TP63: variants seen among roughly 807,000 people sequenced by gnomAD.
TP63 encodes the protein tumor protein p63, also known as tumor protein 63.
Under a neutral mutation model 82.8 loss-of-function variants are expected in TP63, and 17 were observed. That is an observed-to-expected ratio of 0.21 (90% CI 0.14 to 0.31). The LOEUF (loss-of-function observed/expected upper bound fraction) is 0.31, where lower values mean the gene tolerates loss of function less well. Among genes scored for constraint, TP63 ranks in the 10% least tolerant of loss-of-function variants. TP63 has a pLI of 1.00. For synonymous variants in TP63, 330 were observed against 321.7 expected, an observed-to-expected ratio of 1.03 and a Z score of -0.28; for missense variants, 648 against 895.3, an observed-to-expected ratio of 0.72 and a Z score of 3.52.
chr3:189,682,210 A>G (rs1715973054), intron 1 of TP63, among the ~76,000 whole-genome samples: 1 of 152,168 alleles, frequency 6.6e-6, no homozygotes, highest in Non-Finnish European at 1.5e-5. Flanking sequence ...GACCTCAAAT[A>G]AAAATTAATG....
chr3:189,734,398 C>T (rs1045182559), intron 1 of TP63, among the ~76,000 whole-genome samples: 1 of 152,066 alleles, frequency 6.6e-6, no homozygotes. Context: ...CTGCCCTCTC[C>T]AGTCTGAATC....
In TP63 at chr3:189,860,564, A is replaced by G. The variant is rs139529613; in HGVS notation, c.580-3668A>G. Among the ~76,000 whole-genome samples, 748 of 152,368 alleles carry G rather than the reference A, an allele frequency of 4.9e-3. 9 individuals carry two copies. Among genetic ancestry groups the G allele is most frequent in the African/African-American group, 0.018 (729 of 41,582 alleles). ...AAAAAGAAAAAAAAGCGATTGTGCCAGACCACTTCAGCGCCTCTAGTTGCT... is the reference window on the plus strand; with the variant it reads ...AAAAAGAAAAAAAAGCGATTGTGCCGGACCACTTCAGCGCCTCTAGTTGCT... On this transcript the variant is annotated intron_variant, in intron 4 of 13. Transcript: ENST00000264731.
At chr3:189,841,598 G>T (rs1159017714) in intron 4 of TP63, among the ~76,000 whole-genome samples, 1 of 152,184 alleles carries the variant, frequency 6.6e-6, no homozygotes, top group Non-Finnish European at 1.5e-5. Context: ...CCAGGAAAGA[G>T]AACCAATATG....
At chr3:189,886,640 T>C (rs1009396849) in intron 11 of TP63, 89 bp downstream of exon 11, 27 of 1,563,992 alleles carry the variant, frequency 1.7e-5, no homozygotes, top group Non-Finnish European at 2.3e-5. Flanking sequence ...GTTCTTAAGC[T>C]AAATGAGAGA....
chr3:189,680,431 C>G (rs1715808147), intron 1 of TP63, among the ~76,000 whole-genome samples: 1 of 152,132 alleles, frequency 6.6e-6, no homozygotes, highest in Admixed American at 6.6e-5. Flanking sequence ...CCACCAAACT[C>G]ATTTTAGGAG....
At position 189,731,343 on chromosome 3, in the gene TP63, CA is replaced by C. The variant is rs59444552; in HGVS notation, c.63-6388del. On this transcript the variant is annotated intron_variant, in intron 1 of 13. Coordinates refer to ENST00000264731, the MANE Select transcript of TP63 (RefSeq NM_003722.5). ...TGAGCAAGAGAGAAAGCCTTCATCT[CA>C]AAAAAAAAGAAAAAAAAAGAACACT... is the stretch of plus-strand genomic sequence containing the variant. 0.39 allele frequency among the ~76,000 whole-genome samples: 58,867 copies of C among 149,098 alleles called. 11,677 individuals carry two copies. Among genetic ancestry groups the C allele is most frequent in the African/African-American group, 0.48 (19,367 of 40,656 alleles).
intron 4 of TP63, among the ~76,000 whole-genome samples, chr3:189,824,518 C>T (rs1245625015): frequency 1.3e-5 from 2 of 152,134 alleles, no homozygotes; most frequent in African/African-American, 4.8e-5. Flanking sequence ...CAGGAGTGAG[C>T]CACCGTGCCT....
chr3:189,772,700 A>G (rs150398855), intron 3 of TP63, among the ~76,000 whole-genome samples: 17 of 152,276 alleles, frequency 1.1e-4, no homozygotes, highest in African/African-American at 3.9e-4. Context: ...TGCCAAGCCC[A>G]ACCCCTTGAT....
rs191916316 is a variant in TP63, at chr3:189,779,658, C to T, written c.325-28614C>T. 1.5e-3 allele frequency among the ~76,000 whole-genome samples: 228 copies of T among 152,304 alleles called. 1 individual carries two copies. Among genetic ancestry groups the T allele is most frequent in the Non-Finnish European group, 2.5e-3 (171 of 68,028 alleles). The stretch of plus-strand genomic sequence containing the variant: ...GAGTAACCTGTGTAGCACAGGGGAG[C>T]ATGAAGTTTGGAGCCAGCAAACCTG... On this transcript the variant is annotated intron_variant, in intron 3 of 13. Transcript: ENST00000264731.
rs890213456 is a variant in TP63 at position 189,777,008 on chromosome 3, A to G, written c.325-31264A>G. 3.3e-5 allele frequency among the ~76,000 whole-genome samples: 5 copies of G among 152,302 alleles called. 1 individual carries two copies. The highest frequency in any genetic ancestry group is 2.0e-4 in the Admixed American group (3 of 15,292). On this transcript the variant is annotated intron_variant, in intron 3 of 13. Transcript: ENST00000264731. ...AATAAGAGGCCTATACCTTTTCTTC[A>G]GGGAAGTTAAATCATAAACCTTTCT...
chr3:189,832,521 CTT>C (rs1712518201), intron 4 of TP63, among the ~76,000 whole-genome samples: 1 of 152,140 alleles, frequency 6.6e-6, no homozygotes, highest in Admixed American at 6.5e-5. Context: ...AGGCTCTTGA[CTT>C]ATTCCTTCAT....
intron 4 of TP63, among the ~76,000 whole-genome samples, chr3:189,858,176 C>G (rs1404183522): frequency 6.9e-5 from 1 of 14,588 alleles, no homozygotes; most frequent in Non-Finnish European, 1.6e-4. Context: ...GAGGCCGAGG[C>G]GGGCGGATCA....
intron 1 of TP63, among the ~76,000 whole-genome samples, chr3:189,686,715 G>C (rs375077539): frequency 7.5e-4 from 111 of 147,198 alleles, no homozygotes; most frequent in Middle Eastern, 7.1e-3. Flanking sequence ...CTCAGGGGGT[G>C]GGGGGCAGGG....
chr3:189,849,306 A>T (rs866449523), intron 4 of TP63, among the ~76,000 whole-genome samples: 1 of 152,174 alleles, frequency 6.6e-6, no homozygotes, highest in African/African-American at 2.4e-5. Context: ...GGAAAACCCA[A>T]TTTGAAGCTG....
chr3:189,882,593 C>A (rs1720045682), intron 10 of TP63, among the ~76,000 whole-genome samples: 1 of 151,916 alleles, frequency 6.6e-6, no homozygotes, highest in African/African-American at 2.4e-5. Flanking sequence ...TAAGCTATCA[C>A]CAAATCCTAC....
chr3:189,714,014 A>G (rs1393087266), intron 1 of TP63, among the ~76,000 whole-genome samples: 1 of 152,164 alleles, frequency 6.6e-6, no homozygotes. Context: ...TTGATCCTTA[A>G]CACATCTGAA....
At chr3:189,871,277 G>C (rs1718388955) in intron 9 of TP63, among the ~76,000 whole-genome samples, 1 of 152,190 alleles carries the variant, frequency 6.6e-6, no homozygotes, top group South Asian at 2.1e-4. Context: ...AAATATGCTA[G>C]ACCTTGAGCA....
chr3:189,808,397 A>C lies in TP63; in HGVS notation c.450A>C (p.Ala150=), dbSNP rs1727160050. The C allele has an allele frequency of 1.9e-6, 3 of 1,614,182 alleles. No homozygotes were observed. Among genetic ancestry groups the C allele is most frequent in the Non-Finnish European group, 2.5e-6 (3 of 1,180,024 alleles). The stretch of plus-strand genomic sequence containing the variant: ...GCGTCACGGCGCCCTCGCCCTACGC[A>C]CAGCCCAGCTCCACCTTCGATGCTC... ...QNSVTAPSPY[A]QPSSTFDALS... The change falls in exon 4 of 14, where the codon GCA becomes GCC. Residue 150 remains alanine (A), a synonymous_variant. Transcript: ENST00000264731.
the TP63 span, among the ~76,000 whole-genome samples, chr3:189,619,252 A>T: frequency 6.6e-6 from 1 of 151,980 alleles, no homozygotes; most frequent in South Asian, 2.1e-4. Flanking sequence ...GAGAGGGGGG[A>T]TATATGTTGC....
Sources: allele counts gnomAD v4.1 joint callset (sites outside exome capture counted in the v4.1 genomes callset), GRCh38; gene constraint gnomAD v4.1.1; transcripts MANE v1.5; gene names NCBI Gene and HGNC (gene_info 2026-07-23, HGNC 2026-07-21).